HHIP: variants seen among roughly 807,000 people sequenced by gnomAD.
HHIP encodes hedgehog interacting protein.
HHIP carries 12 observed loss-of-function variants against 74.0 expected under a neutral mutation model. The observed-to-expected ratio is 0.16, with a 90% CI of 0.10 to 0.26. The LOEUF is 0.26. Ranked by LOEUF, HHIP falls within the 10% of genes least tolerant of loss-of-function variation. The pLI is 1.00. For missense variants in HHIP, 788 were observed against 845.0 expected, an observed-to-expected ratio of 0.93 and a Z score of 0.84; for synonymous variants, 309 against 311.6, an observed-to-expected ratio of 0.99 and a Z score of 0.09.
Position 144,742,997 on chromosome 4 carries a change from TAATATATATATATTATATATATATA to T in HHIP, c.*5042_*5066del, listed in dbSNP as rs1560729203. 10 of 632 alleles carry T rather than the reference TAATATATATATATTATATATATATA, an allele frequency of 0.016. No individual in the cohort carries two copies. The highest frequency in any genetic ancestry group is 0.02 in the African/African-American group (8 of 396). The allele number at this position is 632 out of a possible 1,614,324, so 0.0% of individuals were successfully genotyped here. A position where few individuals can be genotyped will look rare whatever the true frequency, so the allele number is the denominator to read the frequency against. On this transcript the variant is annotated 3_prime_UTR_variant, in exon 13 of 13. Transcript: ENST00000296575. ...TATATATATATACATTATATATATATAATATATATATATTATATATATATAATATATATCTTATATATATATATAT... is the reference window on the plus strand; with the variant it reads ...TATATATATATACATTATATATATATATATATATCTTATATATATATATAT...
Position 144,738,511 on chromosome 4 carries a change from C to G in HHIP, c.*554C>G. 1.0e-6 allele frequency: 1 copy of G among 972,354 alleles called. No homozygotes were observed. The highest frequency in any genetic ancestry group is 1.2e-6 in the Non-Finnish European group (1 of 817,722). The allele number at this position is 972,354 out of a possible 1,614,324, so 60.2% of individuals were successfully genotyped here. A position where few individuals can be genotyped will look rare whatever the true frequency, so the allele number is the denominator to read the frequency against. ...TGTCAGTGTATCCAGTTACAGAATG[C>G]TACACACTTACCTTTTTATTGGCTG... On this transcript the variant is annotated 3_prime_UTR_variant, in exon 13 of 13. Transcript: ENST00000296575.
chr4:144,647,096 C>A, intron 1 of HHIP, 142 bp downstream of exon 1: 1 of 664,434 alleles, frequency 1.5e-6, no homozygotes, highest in Non-Finnish European at 2.5e-6. Flanking sequence ...ATAGCGCTAA[C>A]GTGATTCCGT....
chr4:144,680,251 CTT>C (rs1729298749), intron 4 of HHIP, among the ~76,000 whole-genome samples: 1 of 152,174 alleles, frequency 6.6e-6, no homozygotes. Context: ...AAAAAAACTT[CTT>C]GTTTTCTATT....
intron 4 of HHIP, among the ~76,000 whole-genome samples, chr4:144,684,404 G>A (rs1245186908): frequency 2.0e-5 from 3 of 149,934 alleles, no homozygotes; most frequent in South Asian, 2.1e-4. Flanking sequence ...GACTACAGGC[G>A]CTCGCCACCA....
chr4:144,655,530 C>T (rs1354074397), intron 2 of HHIP, among the ~76,000 whole-genome samples: 1 of 152,120 alleles, frequency 6.6e-6, no homozygotes, highest in East Asian at 1.9e-4. Flanking sequence ...ACAATTAGTT[C>T]AATTGGTATA....
intron 4 of HHIP, among the ~76,000 whole-genome samples, chr4:144,681,114 A>C (rs1248583361): frequency 6.6e-6 from 1 of 152,216 alleles, no homozygotes; most frequent in East Asian, 1.9e-4. Context: ...ATACTGTAGT[A>C]TTCAGGTCAT....
chr4:144,684,232 A>T (rs1224157000), intron 4 of HHIP, among the ~76,000 whole-genome samples: 3 of 63,008 alleles, frequency 4.8e-5, no homozygotes, highest in African/African-American at 1.9e-4. Flanking sequence ...AAAAAAAAGA[A>T]TTTTTTTTTT....
Position 144,743,027 on chromosome 4 carries a change from ATATCT to A in HHIP, c.*5074_*5078del, listed in dbSNP as rs377296770. ...TATATATATTATATATATATAATAT[ATATCT>A]TATATATATATATATCTTAATACAT... On this transcript the variant is annotated 3_prime_UTR_variant, in exon 13 of 13. Transcript: ENST00000296575. 1 of 128,338 alleles carries A rather than the reference ATATCT, an allele frequency of 7.8e-6. No individual in the cohort carries two copies. Among genetic ancestry groups the A allele is most frequent in the Non-Finnish European group, 1.7e-5 (1 of 59,890 alleles). The allele number at this position is 128,338 out of a possible 1,614,324, so 7.9% of individuals were successfully genotyped here.
intron 4 of HHIP, among the ~76,000 whole-genome samples, chr4:144,704,879 C>G (rs751168080): frequency 3.3e-5 from 5 of 152,102 alleles, no homozygotes; most frequent in African/African-American, 4.8e-5. Flanking sequence ...CAGAAGAAAG[C>G]CAAAAGATTT....
At chr4:144,677,425 G>A (rs1426124184) in intron 4 of HHIP, among the ~76,000 whole-genome samples, 2 of 152,144 alleles carry the variant, frequency 1.3e-5, no homozygotes, top group Admixed American at 6.5e-5. Context: ...AGCAAATCCA[G>A]GAGAATGAGG....
chr4:144,668,334 G>GA lies in HHIP; in HGVS notation c.831+8497dup, dbSNP rs201770323. 8.9e-3 allele frequency among the ~76,000 whole-genome samples: 1,341 copies of GA among 150,758 alleles called. 19 individuals are homozygous for GA. The highest frequency in any genetic ancestry group is 0.029 in the African/African-American group (1,194 of 41,038). ...GATTCCATCTCAAAAAAAAAAAGCA[G>GA]ATCAGTAAAATGTGCCATGAAATCA... On this transcript the variant is annotated intron_variant, in intron 4 of 12. Transcript: ENST00000296575.
In HHIP at chr4:144,707,136, G is replaced by T; in HGVS notation, c.1033G>T (p.Val345Phe). 1 of 1,614,078 alleles carries T rather than the reference G, an allele frequency of 6.2e-7. No individual in the cohort carries two copies. The highest frequency in any genetic ancestry group is 8.5e-7 in the Non-Finnish European group (1 of 1,179,962). The change falls in exon 6 of 13, where the codon GTT (valine) becomes TTT (phenylalanine). Residue 345 changes from valine to phenylalanine, a missense_variant. By Grantham distance (50) the Val-to-Phe change is conservative. Coordinates refer to ENST00000296575, the MANE Select transcript of HHIP (RefSeq NM_022475.3). ...GAGAACAGCCAGAGTCTTTCTTGAA[G>T]TTGCAGAACTCCACAGAAAGCATCT... ...DLRTARVFLE[V>F]AELHRKHLGG...
intron 4 of HHIP, among the ~76,000 whole-genome samples, chr4:144,698,538 T>C (rs1270486322): frequency 6.6e-6 from 1 of 152,166 alleles, no homozygotes; most frequent in Non-Finnish European, 1.5e-5. Flanking sequence ...ATTGTTAAGC[T>C]ATTCATGACT....
intron 4 of HHIP, among the ~76,000 whole-genome samples, chr4:144,676,418 G>A (rs1578691816): frequency 6.6e-6 from 1 of 152,206 alleles, no homozygotes; most frequent in African/African-American, 2.4e-5. Flanking sequence ...GATATGGCTA[G>A]GAGCAGAGTT....
At chr4:144,663,152 GGT>G (rs1451082623) in intron 4 of HHIP, among the ~76,000 whole-genome samples, 1 of 152,142 alleles carries the variant, frequency 6.6e-6, no homozygotes, top group East Asian at 1.9e-4. Context: ...AGCCGGGCAT[GGT>G]GGCATGCACC....
In HHIP at chr4:144,741,885, T is replaced by C. The variant is rs931596854; in HGVS notation, c.*3928T>C. On this transcript the variant is annotated 3_prime_UTR_variant, in exon 13 of 13. Transcript: ENST00000296575. ...TTTTTAGAGGAAGGCTAAGGTATAC[T>C]ATTGGCAGTTGTAGTTTTAATTGTA... is the stretch of plus-strand genomic sequence containing the variant. 3.9e-5 allele frequency: 6 copies of C among 152,114 alleles called. No homozygotes were observed. Among genetic ancestry groups the C allele is most frequent in the Admixed American group, 6.6e-5 (1 of 15,262 alleles). The allele number at this position is 152,114 out of a possible 1,614,324, so 9.4% of individuals were successfully genotyped here.
At chr4:144,712,969 C>CA (rs1326074139) in intron 8 of HHIP, among the ~76,000 whole-genome samples, 1 of 139,060 alleles carries the variant, frequency 7.2e-6, no homozygotes, top group African/African-American at 2.8e-5. Context: ...AAAAAAAAAA[C>CA]TAATGAGTCA....
At chr4:144,736,474 C>T (rs1731125276) in intron 12 of HHIP, among the ~76,000 whole-genome samples, 1 of 152,036 alleles carries the variant, frequency 6.6e-6, no homozygotes, top group Non-Finnish European at 1.5e-5. Flanking sequence ...CATAAAGTGT[C>T]CATTCTGTTA....
At position 144,714,286 on chromosome 4, in the gene HHIP, T is replaced by C. The variant is rs766628830; in HGVS notation, c.1485T>C (p.Phe495=). The change falls in exon 9 of 13, where the codon TTT becomes TTC. Residue 495 remains phenylalanine, a synonymous_variant. Transcript: ENST00000296575. ...PFSNGPLVGG[F]VYRGCQSERL... is the part of the protein sequence containing the mutation. ...GTAATGGTCCTTTGGTTGGTGGATT[T>C]GTATACCGGGGCTGCCAGTCAGAAA... The C allele has an allele frequency of 9.3e-6, 15 of 1,613,382 alleles. No homozygotes were observed. In the Admixed American group the frequency reaches 2.3e-4, roughly 25 times the overall value.
Sources: allele counts gnomAD v4.1 joint callset (sites outside exome capture counted in the v4.1 genomes callset), GRCh38; gene constraint gnomAD v4.1.1; transcripts MANE v1.5; gene names NCBI Gene and HGNC (gene_info 2026-07-23, HGNC 2026-07-21).